The following TTN variants were observed in gnomAD, a reference collection of about 807,000 sequenced individuals.
TTN encodes titin.
Under a neutral mutation model 3,223.0 loss-of-function variants are expected in TTN, and 1,525 were observed. The ratio of observed to expected loss-of-function variants is 0.47; its 90% CI spans 0.45 to 0.49. The LOEUF (loss-of-function observed/expected upper bound fraction) is 0.49. Ranked by LOEUF, TTN falls within the 20% of genes least tolerant of loss-of-function variation. TTN has a pLI of 0.00. For synonymous variants in TTN, 14,094 were observed against 15,161.0 expected, an observed-to-expected ratio of 0.93 and a Z score of 5.17; for missense variants, 40,786 against 43,424.0, an observed-to-expected ratio of 0.94 and a Z score of 5.40.
Position 178,712,852 on chromosome 2 carries a change from TC to T in TTN, c.27172del (p.Glu9058AsnfsTer2). The T allele has an allele frequency of 6.2e-7, 1 of 1,613,798 alleles. No homozygotes were observed. The highest frequency in any genetic ancestry group is 1.1e-5 in the South Asian group (1 of 91,078). ...FSVSWFKGSS[E>X]LVPGDRCNVS... Reference sequence around the variant, plus strand: ...GTTGCATCTGTCACCTGGTACTAGTTCACTGCTACCTTTGAACCAGCTAACA... The same window carrying T: ...GTTGCATCTGTCACCTGGTACTAGTTACTGCTACCTTTGAACCAGCTAACA... On this transcript the variant is annotated frameshift_variant, in exon 94 of 363. Transcript: ENST00000589042. LOFTEE classifies it high-confidence loss of function.
intron 152 of TTN, 149 bp from the exon 153 acceptor site, chr2:178,672,852 G>C (rs1318730680): frequency 3.5e-6 from 2 of 577,544 alleles, no homozygotes; most frequent in Non-Finnish European, 5.9e-6. Context: ...AGGCAATAAA[G>C]ATACTTTCTC....
rs576879014 is a variant in TTN at position 178,694,844 on chromosome 2, C to T, written c.31333G>A (p.Val10445Ile). The T allele has an allele frequency of 1.1e-5, 17 of 1,558,582 alleles. No individual in the cohort carries two copies. Among genetic ancestry groups the T allele is most frequent in the Non-Finnish European group, 1.5e-5 (17 of 1,149,532 alleles). Reference protein sequence around the residue: ...KTSRRMEEEKVQVTKVPEVSK... With the variant: ...KTSRRMEEEKIQVTKVPEVSK... The stretch of plus-strand genomic sequence containing the variant: ...TAAATAATACCTTTGGTGACTTGAA[C>T]TTTTTCTTCCTCCATTCTTCGAGAA... The change falls in exon 116 of 363, where the codon GTT becomes ATT. Residue 10445 changes from valine (V) to isoleucine (I), a missense_variant. By Grantham distance (29) the Val-to-Ile change is conservative (BLOSUM62 3). Transcript: ENST00000589042.
In TTN at chr2:178,722,669, G is replaced by C. The variant is rs747973968; in HGVS notation, c.22230C>G (p.Phe7410Leu). 6.2e-7 allele frequency: 1 copy of C among 1,608,574 alleles called. No homozygotes were observed. Among genetic ancestry groups the C allele is most frequent in the Admixed American group, 1.7e-5 (1 of 59,586 alleles). The change falls in exon 76 of 363, where the codon TTC (phenylalanine) becomes TTG (leucine). Residue 7410 changes from phenylalanine to leucine, a missense_variant. Coordinates refer to ENST00000589042, the MANE Select transcript of TTN (RefSeq NM_001267550.2). ...GTAAAATATCATCACCTTGAATTCT[G>C]AACACAGTCTTAGAAGAAGCAGTTC... ...SIGTASSKTVFRIQERQLPPS... is the reference protein window; with the variant it reads ...SIGTASSKTVLRIQERQLPPS...
chr2:178,582,600 A>T lies in TTN; in HGVS notation c.65864-8T>A, dbSNP rs2048021386. The T allele has an allele frequency of 6.3e-7, 1 of 1,594,750 alleles. No individual in the cohort carries two copies. ...CTGGAGGACCCGGTTTATCTGAAGG[A>T]ATAAGGAAGAAGAGTGAATATGTGG... On this transcript the variant is annotated splice_region_variant and splice_polypyrimidine_tract_variant and intron_variant, in intron 313 of 362. Transcript: ENST00000589042.
rs186756432 is a variant in TTN at position 178,733,570 on chromosome 2, T to C, written c.15775+44A>G. On this transcript the variant is annotated intron_variant, in intron 53 of 362. Transcript: ENST00000589042. ...CTAAATGCTTGTTAGGGTTTCACTT[T>C]AATTCTAAATAGCAATTTGAGGTTT... The C allele has an allele frequency of 2.5e-6, 4 of 1,596,330 alleles. No homozygotes were observed. In the Admixed American group the frequency reaches 6.8e-5, roughly 27 times the overall value.
rs2073303724 is a variant in TTN at position 178,694,815 on chromosome 2, G to A, written c.31348+14C>T. ...ACTTGTGTACATGGGTGCTAGGAAT[G>A]TTTTAAATAATACCTTTGGTGACTT... On this transcript the variant is annotated intron_variant, in intron 116 of 362. Transcript: ENST00000589042. 6.5e-7 allele frequency: 1 copy of A among 1,550,320 alleles called. No homozygotes were observed. Among genetic ancestry groups the A allele is most frequent in the Non-Finnish European group, 8.7e-7 (1 of 1,143,792 alleles).
chr2:178,647,558 T>C, intron 213 of TTN, 94 bp from the exon 214 acceptor site: 2 of 1,210,520 alleles, frequency 1.7e-6, no homozygotes, highest in African/African-American at 3.1e-5. Flanking sequence ...AAGAGCTTCA[T>C]CTTAGATTTC....
Position 178,689,575 on chromosome 2 carries a change from C to G in TTN, c.31867G>C (p.Val10623Leu). The part of the protein sequence containing the change: ...PAKVPEVQKG[V>L]VTEEKITIVT... ...ATGGTTATTTTTTCTTCTGTCACAACTCCCTTCTGTACTTCAGGAACTTGA... is the reference window on the plus strand; with the variant it reads ...ATGGTTATTTTTTCTTCTGTCACAAGTCCCTTCTGTACTTCAGGAACTTGA... Residue 10623 changes from valine to leucine, a missense_variant, in exon 123 of 363, where the codon GTT (valine) becomes CTT (leucine). Coordinates refer to ENST00000589042, the MANE Select transcript of TTN (RefSeq NM_001267550.2). The G allele has an allele frequency of 6.2e-7, 1 of 1,609,114 alleles. No homozygotes were observed.
In TTN at chr2:178,732,901, C is replaced by T. The variant is rs772821743; in HGVS notation, c.16275G>A (p.Gly5425=). Reference sequence around the variant, plus strand: ...AATTTGTGGCTCGACAAGTGAAATTCCCTGCATCATTCATGTCTACTCTGA... The same window carrying T: ...AATTTGTGGCTCGACAAGTGAAATTTCCTGCATCATTCATGTCTACTCTGA... The part of the protein sequence containing the change: ...EIIRVDMNDA[G]NFTCRATNSV... The change falls in exon 55 of 363, where the codon GGG becomes GGA. Residue 5425 remains glycine (G), a synonymous_variant. Transcript: ENST00000589042. 1.4e-5 allele frequency: 23 copies of T among 1,613,256 alleles called. No individual in the cohort carries two copies. Among genetic ancestry groups the T allele is most frequent in the South Asian group, 1.2e-4 (11 of 91,034 alleles).
rs775309692 is a variant in TTN, at chr2:178,745,961, G to C, written c.11312-4040C>G. Reference sequence around the variant, plus strand: ...GCTTAAAGTCACTTTGCTTTTCTTTGCTATCACAGCAAATATTTCAGAATC... The same window carrying C: ...GCTTAAAGTCACTTTGCTTTTCTTTCCTATCACAGCAAATATTTCAGAATC... On this transcript the variant is annotated intron_variant, in intron 47 of 362. Transcript: ENST00000589042. 9.9e-6 allele frequency: 16 copies of C among 1,609,814 alleles called. No individual in the cohort carries two copies. The East Asian group carries it at 3.6e-4, about 36-fold the overall frequency.
rs727504853 is a variant in TTN, at chr2:178,746,880, T to C, written c.11312-4959A>G. ...GGCATTTCATTGTCTTTTGGCTCAA[T>C]GGCTTCATTGGGTGTACCAAATGAA... is the stretch of plus-strand genomic sequence containing the variant. On this transcript the variant is annotated intron_variant, in intron 47 of 362. Coordinates refer to ENST00000589042, the MANE Select transcript of TTN (RefSeq NM_001267550.2). The C allele has an allele frequency of 6.2e-7, 1 of 1,613,544 alleles. No homozygotes were observed. The highest frequency in any genetic ancestry group is 8.5e-7 in the Non-Finnish European group (1 of 1,179,636).
chr2:178,652,520 ACTT>A lies in TTN; in HGVS notation c.39062_39064del (p.Glu13021del), dbSNP rs1298186498. ...CGCTGGCACTTTCTTTTCAGGAACAACTTCTTTCGGAGCCTCTGGCACTTAAAA... is the reference window on the plus strand; with the variant it reads ...CGCTGGCACTTTCTTTTCAGGAACAACTTTCGGAGCCTCTGGCACTTAAAA... On this transcript the variant is annotated inframe_deletion, in exon 202 of 363. Coordinates refer to ENST00000589042, the MANE Select transcript of TTN (RefSeq NM_001267550.2). 2.1e-5 allele frequency: 34 copies of A among 1,613,480 alleles called. No individual in the cohort carries two copies. Among genetic ancestry groups the A allele is most frequent in the Non-Finnish European group, 2.7e-5 (32 of 1,179,652 alleles).
chr2:178,601,266 T>C lies in TTN; in HGVS notation c.55731A>G (p.Ile18577Met). The C allele has an allele frequency of 6.5e-7, 1 of 1,542,270 alleles. No homozygotes were observed. The highest frequency in any genetic ancestry group is 1.3e-5 in the South Asian group (1 of 77,418). ...TTAAATTTAGATTTTAAAGCTTACA[T>C]ATCGGATCTCTGGCAGTGGTCCTCT... is the stretch of plus-strand genomic sequence containing the variant. ...TIQRTTARDP[I>M]YPPDPPIKLK... The change falls in exon 287 of 363, where the codon ATA becomes ATG. Residue 18577 changes from isoleucine (I) to methionine (M), a missense_variant and splice_region_variant. Physicochemically the swap from Ile to Met is conservative, Grantham distance 10. Coordinates refer to ENST00000589042, the MANE Select transcript of TTN (RefSeq NM_001267550.2).
intron 2 of TTN, among the ~76,000 whole-genome samples, chr2:178,802,564 A>G (rs995541814): frequency 1.3e-4 from 20 of 152,148 alleles, no homozygotes; most frequent in Admixed American, 1.0e-3. Context: ...AGGCCTAATG[A>G]TTTTTCCAAG....
In TTN at chr2:178,728,512, A is replaced by T; in HGVS notation, c.19414T>A (p.Leu6472Ile). The T allele has an allele frequency of 6.2e-7, 1 of 1,610,208 alleles. No individual in the cohort carries two copies. Among genetic ancestry groups the T allele is most frequent in the Non-Finnish European group, 8.5e-7 (1 of 1,177,398 alleles). Residue 6472 changes from leucine to isoleucine, a missense_variant, in exon 66 of 363, where the codon TTA becomes ATA. Leu to Ile is a conservative substitution (Grantham distance 5). Coordinates refer to ENST00000589042, the MANE Select transcript of TTN (RefSeq NM_001267550.2). ...TGAAGATACAAACCTAGCACTCTTA[A>T]GTAGGCATCACAGCTACTGCTTCCG... is the stretch of plus-strand genomic sequence containing the variant. The part of the protein sequence containing the change: ...DFGSSSCDAY[L>I]RVLDQNIPPS...
Position 178,728,947 on chromosome 2 carries a change from C to T in TTN, c.19091G>A (p.Cys6364Tyr). 6.2e-7 allele frequency: 1 copy of T among 1,612,080 alleles called. No individual in the cohort carries two copies. The highest frequency in any genetic ancestry group is 8.5e-7 in the Non-Finnish European group (1 of 1,178,976). The change falls in exon 65 of 363, where the codon TGT becomes TAT. Residue 6364 changes from cysteine to tyrosine, a missense_variant. Physicochemically the swap from Cys to Tyr is radical, Grantham distance 194. Transcript: ENST00000589042. ...VDNGHSGRYT[C>Y]QAKNESGVER... ...AACTCCTGACTCATTCTTGGCTTGA[C>T]AGGTATATCTCCCACTGTGTCCATT...
chr2:178,749,114 T>C (rs754988044), intron 47 of TTN: 2 of 1,612,866 alleles, frequency 1.2e-6, no homozygotes, highest in South Asian at 1.1e-5. Context: ...ATTGTAACTG[T>C]CAGAAATTCT....
Position 178,632,977 on chromosome 2 carries a change from G to T in TTN, c.43154C>A (p.Thr14385Lys), listed in dbSNP as rs2059984757. 2 of 1,613,106 alleles carry T rather than the reference G, an allele frequency of 1.2e-6. No individual in the cohort carries two copies. The highest frequency in any genetic ancestry group is 2.7e-5 in the African/African-American group (2 of 74,880). Reference protein sequence around the residue: ...LILHNCQLGMTGEVSFQAANA... With the variant: ...LILHNCQLGMKGEVSFQAANA... ...AGCAGCCTGGAAGGAAACCTCTCCT[G>T]TCATACCCAGCTGACAGTTATGAAG... The change falls in exon 234 of 363, where the codon ACA (threonine) becomes AAA (lysine). Residue 14385 changes from threonine to lysine, a missense_variant. Thr to Lys is a moderately conservative substitution (Grantham distance 78, BLOSUM62 -1). Transcript: ENST00000589042.
intron 336 of TTN, 60 bp from the exon 337 acceptor site, chr2:178,550,333 T>C (rs2154149141): frequency 7.1e-7 from 1 of 1,412,390 alleles, no homozygotes; most frequent in Non-Finnish European, 9.6e-7. Flanking sequence ...TACATAAATA[T>C]ATATTTTTCA....
Sources: allele counts gnomAD v4.1 joint callset (sites outside exome capture counted in the v4.1 genomes callset), GRCh38; gene constraint gnomAD v4.1.1; transcripts MANE v1.5; gene names NCBI Gene and HGNC (gene_info 2026-07-23, HGNC 2026-07-21).